Variants in RBSN observed in about 807,000 individuals in gnomAD.
The protein encoded by RBSN is rabenosyn, RAB effector.
Under a neutral mutation model 60.5 loss-of-function variants are expected in RBSN, and 34 were observed. That is an observed-to-expected ratio of 0.56 (90% CI 0.43 to 0.75). RBSN has a LOEUF of 0.75. RBSN is among the 30% of genes least tolerant of loss of function. The pLI is 0.00. For synonymous variants in RBSN, 322 were observed against 366.9 expected, an observed-to-expected ratio of 0.88 and a Z score of 1.40; for missense variants, 845 against 986.8, an observed-to-expected ratio of 0.86 and a Z score of 1.92.
intron 4 of RBSN, among the ~76,000 whole-genome samples, chr3:15,092,989 A>G (rs1448768369): frequency 6.6e-6 from 1 of 152,180 alleles, no homozygotes; most frequent in African/African-American, 2.4e-5. Flanking sequence ...GCCACAGTCA[A>G]TTTTCAGCTA....
intron 10 of RBSN, among the ~76,000 whole-genome samples, chr3:15,078,776 ATACATATATATATATATAT>A (rs1486624292): frequency 0.04 from 2,251 of 56,284 alleles, 78 homozygotes; most frequent in East Asian, 0.1. Context: ...AAAAAAAAAA[ATACATATATATATATATAT>A]ATATATATAT....
rs1575081388 is a variant in RBSN, at chr3:15,073,664, C to T, written c.*118G>A. ...CAAAACAGCAGATTCCTGCCCCTCACCTGTGTGCATCTGAGTTCTCACCCT... is the reference window on the plus strand; with the variant it reads ...CAAAACAGCAGATTCCTGCCCCTCATCTGTGTGCATCTGAGTTCTCACCCT... On this transcript the variant is annotated 3_prime_UTR_variant, in exon 14 of 14. Coordinates refer to ENST00000253699, the MANE Select transcript of RBSN (RefSeq NM_022340.4). 6 of 1,091,410 alleles carry T rather than the reference C, an allele frequency of 5.5e-6. No homozygotes were observed. The highest frequency in any genetic ancestry group is 7.8e-6 in the Non-Finnish European group (6 of 766,708). The allele number at this position is 1,091,410 out of a possible 1,614,324, so 67.6% of individuals were successfully genotyped here. A position where few individuals can be genotyped will look rare whatever the true frequency, so the allele number is the denominator to read the frequency against.
intron 4 of RBSN, among the ~76,000 whole-genome samples, chr3:15,092,220 C>T (rs2043535369): frequency 6.6e-6 from 1 of 151,366 alleles, no homozygotes; most frequent in African/African-American, 2.4e-5. Flanking sequence ...GAGATGTTGC[C>T]CAGGTTCGCA....
rs761792647 is a variant in RBSN, at chr3:15,082,452, C to T, written c.755G>A (p.Cys252Tyr). 4 of 1,614,090 alleles carry T rather than the reference C, an allele frequency of 2.5e-6. No individual in the cohort carries two copies. Among genetic ancestry groups the T allele is most frequent in the East Asian group, 2.2e-5 (1 of 44,896 alleles). Residue 252 changes from cysteine to tyrosine, a missense_variant, in exon 9 of 14, where the codon TGT (cysteine) becomes TAT (tyrosine). Coordinates refer to ENST00000253699, the MANE Select transcript of RBSN (RefSeq NM_022340.4). This position sits in a 1 kb window ranked among gnomAD's most constrained non-coding sequence, Gnocchi z 4.2. Reference sequence around the variant, plus strand: ...GAGCAGCGTGTCCTTGCAGTGTGTACAGCAGCGGATCCGGTCATCGTCCTT... The same window carrying T: ...GAGCAGCGTGTCCTTGCAGTGTGTATAGCAGCGGATCCGGTCATCGTCCTT... ...DEKDDDRIRC[C>Y]THCKDTLLKR...
chr3:15,099,045 TC>T lies in RBSN; in HGVS notation c.-512del, dbSNP rs1210524236. 1 of 152,296 alleles carries T rather than the reference TC, an allele frequency of 6.6e-6. No homozygotes were observed. Among genetic ancestry groups the T allele is most frequent in the African/African-American group, 2.4e-5 (1 of 41,440 alleles). 9.4% of individuals were successfully genotyped at this position (152,296 alleles called of 1,614,324 possible). Reference sequence around the variant, plus strand: ...ACCCTCTGTATGTACCCTGCCGGGCTCCTGCGGGCACCCAGGTTTGTCCCCC... The same window carrying T: ...ACCCTCTGTATGTACCCTGCCGGGCTCTGCGGGCACCCAGGTTTGTCCCCC... On this transcript the variant is annotated 5_prime_UTR_variant, in exon 1 of 14. Transcript: ENST00000253699.
intron 4 of RBSN, among the ~76,000 whole-genome samples, chr3:15,092,410 TTTG>T (rs1257146569): frequency 6.6e-6 from 1 of 151,312 alleles, no homozygotes; most frequent in Admixed American, 6.6e-5. Context: ...TGTTTGTTTG[TTTG>T]TTTTTTTTTG....
In RBSN at chr3:15,096,073, G is replaced by C; in HGVS notation, c.48C>G (p.Cys16Trp). 6.2e-7 allele frequency: 1 copy of C among 1,611,916 alleles called. No homozygotes were observed. Among genetic ancestry groups the C allele is most frequent in the Non-Finnish European group, 8.5e-7 (1 of 1,178,726 alleles). ...ACTGCAGATCCTTCAGGCACAGAGG[G>C]CAGAGGAAGCCCTCCCTCACTTCCC... ...DPGEVREGFL[C>W]PLCLKDLQSF... Residue 16 changes from cysteine to tryptophan, a missense_variant, in exon 4 of 14, where the codon TGC becomes TGG. By Grantham distance (215) the Cys-to-Trp change is radical (BLOSUM62 -2). Coordinates refer to ENST00000253699, the MANE Select transcript of RBSN (RefSeq NM_022340.4).
chr3:15,095,894 C>G, intron 4 of RBSN, 79 bp downstream of exon 4: 1 of 1,594,754 alleles, frequency 6.3e-7, no homozygotes, highest in Non-Finnish European at 8.6e-7. Flanking sequence ...CCTGTGGCAA[C>G]ACCAAAGCTG....
intron 6 of RBSN, 144 bp downstream of exon 6, chr3:15,085,717 T>C: frequency 1.5e-6 from 1 of 684,840 alleles, no homozygotes; most frequent in South Asian, 1.8e-5. Context: ...GTCCACCATG[T>C]CCTTTGCACC....
At chr3:15,087,372 G>A (rs1355375042) in intron 5 of RBSN, among the ~76,000 whole-genome samples, 1 of 152,040 alleles carries the variant, frequency 6.6e-6, no homozygotes, top group East Asian at 1.9e-4. Flanking sequence ...AAAATTAGCT[G>A]GGCATGGTGG....
rs2042900882 is a variant in RBSN at position 15,070,215 on chromosome 3, C to T, written c.*3567G>A. On this transcript the variant is annotated 3_prime_UTR_variant, in exon 14 of 14. Transcript: ENST00000253699. ...TACAGTCTGTGACCTGGTAAAGAGACCACCTTTTCATTTTGAGTCCCATCA... is the reference window on the plus strand; with the variant it reads ...TACAGTCTGTGACCTGGTAAAGAGATCACCTTTTCATTTTGAGTCCCATCA... 1 of 152,620 alleles carries T rather than the reference C, an allele frequency of 6.6e-6. No individual in the cohort carries two copies. Among genetic ancestry groups the T allele is most frequent in the Non-Finnish European group, 1.5e-5 (1 of 68,040 alleles). 9.5% of individuals were successfully genotyped at this position (152,620 alleles called of 1,614,324 possible).
In RBSN at chr3:15,082,507, T is replaced by G; in HGVS notation, c.700A>C (p.Met234Leu). 6.2e-7 allele frequency: 1 copy of G among 1,614,186 alleles called. No homozygotes were observed. Among genetic ancestry groups the G allele is most frequent in the Non-Finnish European group, 8.5e-7 (1 of 1,180,026 alleles). Reference sequence around the variant, plus strand: ...TCCAGGACCGAGCTGACACTGCTCATGCTGCTGATGCTGCCTCGGCGGGAG... The same window carrying G: ...TCCAGGACCGAGCTGACACTGCTCAGGCTGCTGATGCTGCCTCGGCGGGAG... Reference protein sequence around the residue: ...HGSRRGSISSMSSVSSVLDEK... With the variant: ...HGSRRGSISSLSSVSSVLDEK... Residue 234 changes from methionine (M) to leucine (L), a missense_variant, in exon 9 of 14, where the codon ATG becomes CTG. Coordinates refer to ENST00000253699, the MANE Select transcript of RBSN (RefSeq NM_022340.4). The surrounding 1 kb of genome is among the most constrained non-coding windows in gnomAD (Gnocchi z 4.2).
At chr3:15,075,183 A>G (rs2043023104) in intron 13 of RBSN, 6 of 581,048 alleles carry the variant, frequency 1.0e-5, no homozygotes, top group Non-Finnish European at 1.5e-5. Context: ...TTAGATTCAC[A>G]GGCCGTATAC....
At chr3:15,078,689 G>A (rs1371910408) in intron 10 of RBSN, among the ~76,000 whole-genome samples, 1 of 149,062 alleles carries the variant, frequency 6.7e-6, no homozygotes, top group Non-Finnish European at 1.5e-5. Flanking sequence ...TGAACTGGGA[G>A]GCGGAGGTTG....
intron 5 of RBSN, among the ~76,000 whole-genome samples, chr3:15,087,866 C>A (rs945289898): frequency 1.3e-5 from 2 of 152,200 alleles, no homozygotes; most frequent in Non-Finnish European, 2.9e-5. Flanking sequence ...TGTGATCTAC[C>A]TGCCTTGGCC....
At position 15,084,790 on chromosome 3, in the gene RBSN, G is replaced by A. The variant is rs200034310; in HGVS notation, c.543C>T (p.Leu181=). Residue 181 remains leucine, a synonymous_variant, in exon 8 of 14, where the codon CTC becomes CTT. Transcript: ENST00000253699. The surrounding 1 kb of genome is among the most constrained non-coding windows in gnomAD (Gnocchi z 4.2). Reference sequence around the variant, plus strand: ...ACTTCTTGCACATAATAGACCCGCAGAGGCGGCAGTGGTGGCGGCGGTTCC... The same window carrying A: ...ACTTCTTGCACATAATAGACCCGCAAAGGCGGCAGTGGTGGCGGCGGTTCC... ...SIRNRRHHCR[L]CGSIMCKKCM... The A allele has an allele frequency of 1.4e-5, 23 of 1,614,206 alleles. 1 individual carries two copies. The Middle Eastern group carries it at 5.0e-4, about 35-fold the overall frequency.
chr3:15,075,068 T>A, intron 13 of RBSN, 138 bp from the exon 14 acceptor site: 1 of 1,051,342 alleles, frequency 9.5e-7, no homozygotes, highest in South Asian at 1.7e-5. Context: ...GATATCCAAC[T>A]GCTAAAATCA....
At chr3:15,081,048 C>T in intron 9 of RBSN, 4 of 470,932 alleles carry the variant, frequency 8.5e-6, no homozygotes, top group Non-Finnish European at 3.8e-6. Flanking sequence ...GAATTTTGTT[C>T]TGTCACCCAA....
At chr3:15,078,827 T>C (rs2043133967) in intron 10 of RBSN, among the ~76,000 whole-genome samples, 2 of 115,244 alleles carry the variant, frequency 1.7e-5, no homozygotes, top group East Asian at 2.5e-4. Context: ...TATATATACA[T>C]GGTTTTGTTT....
Sources: gnomAD v4.1 joint callset for allele counts (sites outside exome capture counted in the v4.1 genomes callset) on GRCh38, gnomAD v4.1.1 for gene constraint, Gnocchi (gnomAD v3.1) non-coding constraint, MANE v1.5 for transcripts, NCBI Gene and HGNC (gene_info 2026-07-23, HGNC 2026-07-21) for gene names.